Variants in SCGB2B2 observed in about 807,000 individuals in gnomAD.
SCGB2B2 encodes secretoglobin family 2B member 2.
In SCGB2B2, 11 loss-of-function variants were observed where a neutral mutation model predicts 7.6. The ratio of observed to expected loss-of-function variants is 1.45; its 90% confidence interval spans 0.91 to 2.40. The LOEUF is 2.40. Ranked by LOEUF, SCGB2B2 falls within the 30% of genes most tolerant of loss-of-function variation. SCGB2B2 has a pLI of 0.00. For missense variants in SCGB2B2, 104 were observed against 115.4 expected, an observed-to-expected ratio of 0.90 and a Z score of 0.45; for synonymous variants, 50 against 48.6, an observed-to-expected ratio of 1.03 and a Z score of -0.12.
At chr19:34,644,787 C>T (rs2066949590) in intron 1 of SCGB2B2, among the ~76,000 whole-genome samples, 1 of 152,218 alleles carries the variant, frequency 6.6e-6, no homozygotes, top group African/African-American at 2.4e-5. Flanking sequence ...ACACTTAGGA[C>T]ATTTCCATGG....
intron 1 of SCGB2B2, among the ~76,000 whole-genome samples, chr19:34,658,817 A>AC (rs59493943): frequency 0.26 from 33,278 of 127,316 alleles, 4,339 homozygotes; most frequent in Middle Eastern, 0.35. Context: ...CAACAACAAA[A>AC]AAAAAAAAAA....
intron 1 of SCGB2B2, among the ~76,000 whole-genome samples, chr19:34,643,590 T>C (rs1477241649): frequency 1.3e-5 from 2 of 152,178 alleles, no homozygotes; most frequent in African/African-American, 2.4e-5. Context: ...TCCCAATGCA[T>C]AGAAATGATA....
intron 1 of SCGB2B2, among the ~76,000 whole-genome samples, chr19:34,666,174 C>A (rs942205431): frequency 6.6e-6 from 1 of 152,064 alleles, no homozygotes; most frequent in Non-Finnish European, 1.5e-5. Flanking sequence ...TGTCCCTGTC[C>A]CACAGGGTCC....
chr19:34,647,687 A>T (rs1409832079), intron 1 of SCGB2B2, among the ~76,000 whole-genome samples: 1 of 152,156 alleles, frequency 6.6e-6, no homozygotes, highest in Non-Finnish European at 1.5e-5. Flanking sequence ...AGAGCCGGAC[A>T]CCCCATGAAG....
At chr19:34,588,355 G>T (rs1302661047), downstream of SCGB2B2, among the ~76,000 whole-genome samples, 4 of 152,190 alleles carry the variant, frequency 2.6e-5, no homozygotes, top group African/African-American at 9.7e-5. Flanking sequence ...ATCTAATCAT[G>T]AAAATTCACC....
chr19:34,609,033 GCTCA>G (rs1044691227), intron 1 of SCGB2B2, among the ~76,000 whole-genome samples: 2 of 151,914 alleles, frequency 1.3e-5, no homozygotes, highest in African/African-American at 4.8e-5. Flanking sequence ...TGAGATGATA[GCTCA>G]CTGTGGTTTT....
Position 34,594,266 on chromosome 19 carries a change from G to T in SCGB2B2, c.155C>A (p.Pro52His). 1 of 1,614,022 alleles carries T rather than the reference G, an allele frequency of 6.2e-7. No individual in the cohort carries two copies. Among genetic ancestry groups the T allele is most frequent in the Non-Finnish European group, 8.5e-7 (1 of 1,179,902 alleles). Reference sequence around the variant, plus strand: ...GAAGGACTCCTCTGTCAGGGGACTGGGGTTGTAACGAGCAAGCTCCTCCTT... The same window carrying T: ...GAAGGACTCCTCTGTCAGGGGACTGTGGTTGTAACGAGCAAGCTCCTCCTT... ...LLKEELARYN[P>H]SPLTEESFLN... The change falls in exon 3 of 4, where the codon CCC (proline) becomes CAC (histidine). Residue 52 changes from proline to histidine, a missense_variant. By Grantham distance (77) the Pro-to-His change is moderately conservative. Transcript: ENST00000601241.
chr19:34,590,311 G>T (rs368589594), downstream of SCGB2B2, among the ~76,000 whole-genome samples: 41 of 152,262 alleles, frequency 2.7e-4, no homozygotes, highest in East Asian at 2.7e-3. Context: ...ATGGAACATG[G>T]ATCTCAGCTA....
At chr19:34,599,875 C>A (rs1425262209) in intron 1 of SCGB2B2, among the ~76,000 whole-genome samples, 1 of 152,098 alleles carries the variant, frequency 6.6e-6, no homozygotes, top group African/African-American at 2.4e-5. Context: ...TTTATTGTGA[C>A]ATAGAACACA....
In SCGB2B2 at chr19:34,592,838, T is replaced by C. The variant is rs919846917; in HGVS notation, c.*717A>G. Among the ~76,000 whole-genome samples, 1 of 152,050 alleles carries C rather than the reference T, an allele frequency of 6.6e-6. No individual in the cohort carries two copies. The highest frequency in any genetic ancestry group is 2.4e-5 in the African/African-American group (1 of 41,392). On this transcript the variant is annotated 3_prime_UTR_variant, in exon 4 of 4. Coordinates refer to ENST00000601241, the MANE Select transcript of SCGB2B2 (RefSeq NM_001025591.4). ...CAGGAGCAGAGCTGAGCTGCAGGTATTTATGGGGACGCTGAGGCTTGTGAC... is the reference window on the plus strand; with the variant it reads ...CAGGAGCAGAGCTGAGCTGCAGGTACTTATGGGGACGCTGAGGCTTGTGAC...
chr19:34,608,206 C>CT (rs1368769241), intron 1 of SCGB2B2, among the ~76,000 whole-genome samples: 2 of 151,870 alleles, frequency 1.3e-5, no homozygotes, highest in South Asian at 2.1e-4. Flanking sequence ...GCATTTTATT[C>CT]TTTTTGTTGT....
In SCGB2B2 at chr19:34,594,967, C is replaced by T. The variant is rs1564200; in HGVS notation, c.-404G>A. On this transcript the variant is annotated 5_prime_UTR_variant, in exon 2 of 4. The change creates a new upstream start codon in the 5' untranslated region. Transcript: ENST00000601241. ...GCACGCCCTAGCACAGAATCTGCCA[C>T]TGAGTGCTGGCTCAACAAACATTTG... is the stretch of plus-strand genomic sequence containing the variant. The T allele has an allele frequency of 0.32, 70,434 of 221,218 alleles. 13,521 individuals are homozygous for T. Among genetic ancestry groups the T allele is most frequent in the East Asian group, 0.46 (4,489 of 9,668 alleles). 13.7% of individuals were successfully genotyped at this position (221,218 alleles called of 1,614,324 possible).
At chr19:34,610,089 T>A (rs1469873058) in intron 1 of SCGB2B2, among the ~76,000 whole-genome samples, 1 of 152,106 alleles carries the variant, frequency 6.6e-6, no homozygotes, top group Non-Finnish European at 1.5e-5. Flanking sequence ...GTGATTGACT[T>A]CTCGATTTCT....
At chr19:34,610,769 T>TTTG (rs74177172) in intron 1 of SCGB2B2, among the ~76,000 whole-genome samples, 1 of 43,946 alleles carries the variant, frequency 2.3e-5, no homozygotes, top group Non-Finnish European at 6.3e-5. Context: ...TGGCCTATAG[T>TTTG]TTTTTTTTTT....
At chr19:34,662,559 A>C (rs898977700) in intron 1 of SCGB2B2, among the ~76,000 whole-genome samples, 1 of 152,144 alleles carries the variant, frequency 6.6e-6, no homozygotes, top group Non-Finnish European at 1.5e-5. Context: ...ACATTGATAA[A>C]TTTAATTATA....
chr19:34,644,216 T>C (rs1373825763), intron 1 of SCGB2B2, among the ~76,000 whole-genome samples: 3 of 152,176 alleles, frequency 2.0e-5, no homozygotes, highest in African/African-American at 7.2e-5. Context: ...ATTTTGTTTG[T>C]AGAGGCAGGG....
At chr19:34,604,744 T>A (rs2145802201) in intron 1 of SCGB2B2, among the ~76,000 whole-genome samples, 1 of 152,366 alleles carries the variant, frequency 6.6e-6, no homozygotes, top group East Asian at 1.9e-4. Flanking sequence ...GTCAATTTTT[T>A]AAATGATCCC....
intron 1 of SCGB2B2, among the ~76,000 whole-genome samples, chr19:34,624,430 C>T (rs1412779083): frequency 6.6e-6 from 1 of 152,122 alleles, no homozygotes. Context: ...TGAAATCCCC[C>T]CATCTCAAGG....
chr19:34,598,809 T>G (rs1283235580), intron 1 of SCGB2B2, among the ~76,000 whole-genome samples: 1 of 152,214 alleles, frequency 6.6e-6, no homozygotes, highest in Non-Finnish European at 1.5e-5. Context: ...CTGCTTCTGA[T>G]CCCCAGTTGT....
Sources: gnomAD v4.1 joint callset for allele counts (sites outside exome capture counted in the v4.1 genomes callset) on GRCh38, gnomAD v4.1.1 for gene constraint, MANE v1.5 for transcripts, NCBI Gene and HGNC (gene_info 2026-07-23, HGNC 2026-07-21) for gene names.